ZNF488: variants seen among roughly 807,000 people sequenced by gnomAD.
ZNF488 encodes the protein zinc finger protein 488.
Under a neutral mutation model 1.2 loss-of-function variants are expected in ZNF488, and 1 was observed. That is an observed-to-expected ratio of 0.86 (90% CI 0.30 to 4.07). The LOEUF (loss-of-function observed/expected upper bound fraction) is 4.07, where lower values mean the gene tolerates loss of function less well. ZNF488 is among the 30% of genes most tolerant of loss of function. The pLI is 0.18. For missense variants in ZNF488, 450 were observed against 437.9 expected (o/e 1.03, Z -0.25); for synonymous variants, 185 against 190.1 (o/e 0.97, Z 0.22).
At position 47,366,577 on chromosome 10, in the gene ZNF488, C is replaced by A. The variant is rs532045540; in HGVS notation, c.*1230G>T. The A allele has an allele frequency of 3.1e-4, 52 of 167,236 alleles. No homozygotes were observed. Among genetic ancestry groups the A allele is most frequent in the African/African-American group, 8.9e-4 (37 of 41,564 alleles). 10.4% of individuals were successfully genotyped at this position (167,236 alleles called of 1,614,324 possible). A position where few individuals can be genotyped will look rare whatever the true frequency, so the allele number is the denominator to read the frequency against. ...GGTGGAAACCAGTGCAAAAACGACACTGGCTTGGAAACTCCCCACAAAGGG... is the reference window on the plus strand; with the variant it reads ...GGTGGAAACCAGTGCAAAAACGACAATGGCTTGGAAACTCCCCACAAAGGG... On this transcript the variant is annotated 3_prime_UTR_variant, in exon 2 of 2. Transcript: ENST00000585316.
rs1761540944 is a variant in ZNF488, at chr10:47,365,944, T to A, written c.*1863A>T. 6.0e-6 allele frequency: 1 copy of A among 167,070 alleles called. No homozygotes were observed. The highest frequency in any genetic ancestry group is 6.5e-5 in the Admixed American group (1 of 15,284). The allele number at this position is 167,070 out of a possible 1,614,324, so 10.3% of individuals were successfully genotyped here. A position where few individuals can be genotyped will look rare whatever the true frequency, so the allele number is the denominator to read the frequency against. On this transcript the variant is annotated 3_prime_UTR_variant, in exon 2 of 2. Transcript: ENST00000585316. ...TGCCCACTGCCACCTGTGGGCCTCA[T>A]AAGGGCAAGCTCGGCCCATGAAGGT...
Position 47,367,912 on chromosome 10 carries a change from G to A in ZNF488, c.918C>T (p.Asp306=). 1.2e-6 allele frequency: 2 copies of A among 1,614,112 alleles called. No homozygotes were observed. Among genetic ancestry groups the A allele is most frequent in the Non-Finnish European group, 1.7e-6 (2 of 1,180,038 alleles). The part of the protein sequence containing the change: ...SHHKKEHAGP[D]PHSQKRREEA... ...CTTCTCTCCGCTTCTGAGAATGTGG[G>A]TCAGGCCCCGCATGCTCCTTTTTGT... Residue 306 remains aspartate, a synonymous_variant, in exon 2 of 2, where the codon GAC becomes GAT. Coordinates refer to ENST00000585316, the MANE Select transcript of ZNF488 (RefSeq NM_153034.4).
intron 1 of ZNF488, among the ~76,000 whole-genome samples, chr10:47,374,143 AG>A (rs1837585849): frequency 6.6e-6 from 1 of 152,240 alleles, no homozygotes; most frequent in Admixed American, 6.5e-5. Flanking sequence ...GATCTTGCTC[AG>A]CTGCAAAATG....
At chr10:47,382,733 T>C (rs1838025749) in intron 1 of ZNF488, among the ~76,000 whole-genome samples, 1 of 152,264 alleles carries the variant, frequency 6.6e-6, no homozygotes, top group Non-Finnish European at 1.5e-5. Flanking sequence ...GCAATGCACC[T>C]TCATCATACT....
intron 1 of ZNF488, among the ~76,000 whole-genome samples, chr10:47,374,828 G>A (rs1441419383): frequency 1.3e-5 from 2 of 152,164 alleles, no homozygotes; most frequent in South Asian, 2.1e-4. Context: ...CATGGGACTC[G>A]ACTGCACATC....
intron 1 of ZNF488, among the ~76,000 whole-genome samples, chr10:47,374,660 C>A (rs773612277): frequency 6.6e-6 from 1 of 152,152 alleles, no homozygotes; most frequent in Non-Finnish European, 1.5e-5. Context: ...GAAAAAAAAG[C>A]CTAACCATGC....
chr10:47,382,632 G>GA (rs1555215668), intron 1 of ZNF488, among the ~76,000 whole-genome samples: 3 of 152,094 alleles, frequency 2.0e-5, no homozygotes, highest in African/African-American at 7.2e-5. Context: ...TTTTAAACCA[G>GA]AAAAAAGCCT....
intron 1 of ZNF488, among the ~76,000 whole-genome samples, chr10:47,377,797 C>A (rs1837747498): frequency 6.6e-6 from 1 of 152,050 alleles, no homozygotes; most frequent in South Asian, 2.1e-4. Flanking sequence ...ATTCACAGAG[C>A]ACACAGGGCT....
At position 47,368,550 on chromosome 10, in the gene ZNF488, G is replaced by T. The variant is rs781887190; in HGVS notation, c.280C>A (p.Arg94Ser). The T allele has an allele frequency of 1.3e-5, 21 of 1,613,176 alleles. No individual in the cohort carries two copies. Among genetic ancestry groups the T allele is most frequent in the Non-Finnish European group, 1.7e-5 (20 of 1,179,974 alleles). The part of the protein sequence containing the change: ...RPGKPLPPKT[R>S]GEQRQSAFTE... ...AAGGCGCTCTGCCTCTGCTCTCCAC[G>T]TGTCTTCGGGGGCAGCGGCTTGCCA... Residue 94 changes from arginine to serine, a missense_variant, in exon 2 of 2, where the codon CGT becomes AGT. Physicochemically the swap from Arg to Ser is moderately radical, Grantham distance 110. Transcript: ENST00000585316.
In ZNF488 at chr10:47,368,566, C is replaced by G. The variant is rs149783300; in HGVS notation, c.264G>C (p.Pro88=). 3.7e-6 allele frequency: 6 copies of G among 1,612,240 alleles called. No individual in the cohort carries two copies. The highest frequency in any genetic ancestry group is 4.2e-6 in the Non-Finnish European group (5 of 1,179,854). The change falls in exon 2 of 2, where the codon CCG becomes CCC. Residue 88 remains proline, a synonymous_variant. Coordinates refer to ENST00000585316, the MANE Select transcript of ZNF488 (RefSeq NM_153034.4). The part of the protein sequence containing the change: ...VAPGKPRPGK[P]LPPKTRGEQR... The stretch of plus-strand genomic sequence containing the variant: ...GCTCTCCACGTGTCTTCGGGGGCAG[C>G]GGCTTGCCAGGTCGGGGCTTGCCTG...
Position 47,376,295 on chromosome 10 carries a change from T to C in ZNF488, c.-108-7358A>G, listed in dbSNP as rs149423087. 1.5e-4 allele frequency among the ~76,000 whole-genome samples: 23 copies of C among 152,160 alleles called. 1 individual carries two copies. In the East Asian group the frequency reaches 4.5e-3, roughly 30 times the overall value. On this transcript the variant is annotated intron_variant, in intron 1 of 1. Coordinates refer to ENST00000585316, the MANE Select transcript of ZNF488 (RefSeq NM_153034.4). The stretch of plus-strand genomic sequence containing the variant: ...TGAATACGAGTTCACCAATCAGGGA[T>C]GGTAAGATGGCACAGGCAAAGTCCT...
chr10:47,378,337 C>T (rs1325642162), intron 1 of ZNF488, among the ~76,000 whole-genome samples: 1 of 152,198 alleles, frequency 6.6e-6, no homozygotes, highest in Admixed American at 6.5e-5. Context: ...TGCTGGGATG[C>T]CTTCATCCCT....
intron 1 of ZNF488, among the ~76,000 whole-genome samples, chr10:47,373,869 C>T (rs1245866677): frequency 6.6e-6 from 1 of 152,224 alleles, no homozygotes; most frequent in East Asian, 1.9e-4. Flanking sequence ...GCCCAGCAGG[C>T]CTTGCCCAGT....
At position 47,368,039 on chromosome 10, in the gene ZNF488, G is replaced by T. The variant is rs782285171; in HGVS notation, c.791C>A (p.Pro264His). 1.2e-6 allele frequency: 2 copies of T among 1,614,084 alleles called. No homozygotes were observed. Among genetic ancestry groups the T allele is most frequent in the Non-Finnish European group, 1.7e-6 (2 of 1,179,980 alleles). The change falls in exon 2 of 2, where the codon CCC becomes CAC. Residue 264 changes from proline to histidine, a missense_variant. Pro to His is a moderately conservative substitution (Grantham distance 77). Transcript: ENST00000585316. ...GGACAAGCCCAGGGAGGTGAGGGTG[G>T]GTGGCAGGAGGGCCCACGAAGTGGT... ...SSTTSWALLP[P>H]TLTSLGLSTQ...
At chr10:47,373,004 C>A (rs1308699611) in intron 1 of ZNF488, among the ~76,000 whole-genome samples, 1 of 152,176 alleles carries the variant, frequency 6.6e-6, no homozygotes, top group Admixed American at 6.5e-5. Flanking sequence ...GGAAGCCACA[C>A]CTATGGCAGA....
At chr10:47,370,698 C>T (rs782304491) in intron 1 of ZNF488, among the ~76,000 whole-genome samples, 4 of 152,194 alleles carry the variant, frequency 2.6e-5, no homozygotes, top group Non-Finnish European at 4.4e-5. Context: ...AGGATGCATA[C>T]GCAAGACGAA....
chr10:47,367,739 A>C lies in ZNF488; in HGVS notation c.*68T>G, dbSNP rs1484930426. The C allele has an allele frequency of 2.6e-6, 4 of 1,523,328 alleles. No individual in the cohort carries two copies. Among genetic ancestry groups the C allele is most frequent in the African/African-American group, 2.8e-5 (2 of 72,112 alleles). 94.4% of individuals were successfully genotyped at this position (1,523,328 alleles called of 1,614,324 possible). A position where few individuals can be genotyped will look rare whatever the true frequency, so the allele number is the denominator to read the frequency against. On this transcript the variant is annotated 3_prime_UTR_variant, in exon 2 of 2. Transcript: ENST00000585316. Reference sequence around the variant, plus strand: ...AGGACCATGACAGCCCCCTCAACGCAGGCCCAGGGAGCCCCCCTCTGCCAA... The same window carrying C: ...AGGACCATGACAGCCCCCTCAACGCCGGCCCAGGGAGCCCCCCTCTGCCAA...
intron 1 of ZNF488, among the ~76,000 whole-genome samples, chr10:47,376,899 C>T (rs74681592): frequency 0.093 from 14,158 of 152,306 alleles, 703 homozygotes; most frequent in South Asian, 0.12. Flanking sequence ...AGGTGACCCT[C>T]AAGAAGCAGC....
Position 47,366,496 on chromosome 10 carries a change from G to A in ZNF488, c.*1311C>T, listed in dbSNP as rs1837223719. ...CAGCCACAAGCCTGAGATCTGTGCT[G>A]GGGACTCATTGGAGGGCTGGAAACT... On this transcript the variant is annotated 3_prime_UTR_variant, in exon 2 of 2. Transcript: ENST00000585316. 6.0e-6 allele frequency: 1 copy of A among 167,056 alleles called. No individual in the cohort carries two copies. Among genetic ancestry groups the A allele is most frequent in the Admixed American group, 6.5e-5 (1 of 15,274 alleles). 10.3% of individuals were successfully genotyped at this position (167,056 alleles called of 1,614,324 possible). A position where few individuals can be genotyped will look rare whatever the true frequency, so the allele number is the denominator to read the frequency against.
Sources: gnomAD v4.1 joint callset for allele counts (sites outside exome capture counted in the v4.1 genomes callset) on GRCh38, gnomAD v4.1.1 for gene constraint, MANE v1.5 for transcripts, NCBI Gene and HGNC (gene_info 2026-07-23, HGNC 2026-07-21) for gene names.